IHO1: variants seen among roughly 807,000 people sequenced by gnomAD.
The protein encoded by IHO1 is interactor of HORMAD1 protein 1.
Under a neutral mutation model 31.0 loss-of-function variants are expected in IHO1, and 13 were observed. The observed-to-expected ratio is 0.42, with a 90% CI of 0.27 to 0.67. The LOEUF is 0.67. Ranked by LOEUF, IHO1 falls within the 30% of genes least tolerant of loss-of-function variation. The pLI is 0.24. For missense variants in IHO1, 599 were observed against 687.5 expected (o/e 0.87, Z 1.44); for synonymous variants, 221 against 248.4 (o/e 0.89, Z 1.04).
chr3:49,238,276 A>T (rs555492934), intron 3 of IHO1, among the ~76,000 whole-genome samples: 2 of 151,812 alleles, frequency 1.3e-5, no homozygotes, highest in Non-Finnish European at 2.9e-5. Flanking sequence ...CTATAACTAA[A>T]TGTAGTTTTG....
intron 2 of IHO1, among the ~76,000 whole-genome samples, chr3:49,230,673 G>A (rs972196507): frequency 1.3e-5 from 2 of 152,114 alleles, no homozygotes; most frequent in Non-Finnish European, 2.9e-5. Flanking sequence ...TCTCACACTG[G>A]TTTATTTATA....
chr3:49,212,791 G>A (rs1165062167), intron 2 of IHO1, among the ~76,000 whole-genome samples: 2 of 152,184 alleles, frequency 1.3e-5, no homozygotes, highest in African/African-American at 4.8e-5. Flanking sequence ...CATAAAGGCA[G>A]TGCGGACCCA....
chr3:49,254,113 C>T (rs755155642), intron 6 of IHO1, among the ~76,000 whole-genome samples: 3 of 152,128 alleles, frequency 2.0e-5, no homozygotes, highest in African/African-American at 4.8e-5. Flanking sequence ...GGATTACAGG[C>T]GTGAGTCTCC....
rs114814755 is a variant in IHO1 at position 49,212,833 on chromosome 3, G to C, written c.56+997G>C. On this transcript the variant is annotated intron_variant, in intron 2 of 7. Transcript: ENST00000452691. ...GAGCAGGAGCAAGATTTATTGCAAA[G>C]AGTGAAAGAACAAATCTTCCGCAGT... Among the ~76,000 whole-genome samples, 1,075 of 152,318 alleles carry C rather than the reference G, an allele frequency of 7.1e-3. 14 individuals are homozygous for C. Among genetic ancestry groups the C allele is most frequent in the South Asian group, 0.042 (203 of 4,830 alleles).
At chr3:49,200,664 T>C in intron 1 of IHO1, 2 of 670,456 alleles carry the variant, frequency 3.0e-6, no homozygotes, top group Non-Finnish European at 3.7e-6. Flanking sequence ...TTCCATTCCT[T>C]GCATGCACTC....
At chr3:49,245,197 T>C (rs1017252167) in intron 6 of IHO1, 4 of 216,952 alleles carry the variant, frequency 1.8e-5, no homozygotes, top group African/African-American at 6.8e-5. Context: ...AATTTTTTTT[T>C]TTTTTTTGAG....
intron 2 of IHO1, among the ~76,000 whole-genome samples, chr3:49,215,480 G>A (rs1490252462): frequency 6.6e-6 from 1 of 152,102 alleles, no homozygotes; most frequent in African/African-American, 2.4e-5. Flanking sequence ...GAGCAATGAT[G>A]GTGTTACCCA....
intron 6 of IHO1, among the ~76,000 whole-genome samples, chr3:49,251,436 T>A (rs1289032401): frequency 2.2e-4 from 30 of 133,832 alleles, no homozygotes; most frequent in Middle Eastern, 0.01. Flanking sequence ...CAGGCGTGCA[T>A]CACCATGCCC....
rs929541902 is a variant in IHO1 at position 49,258,089 on chromosome 3, A to G, written c.*807A>G. ...AGTATTTTTTGTTATCAGAAATAAGATAAAACATTTAAAAGCATATATTTT... is the reference window on the plus strand; with the variant it reads ...AGTATTTTTTGTTATCAGAAATAAGGTAAAACATTTAAAAGCATATATTTT... On this transcript the variant is annotated 3_prime_UTR_variant, in exon 8 of 8. Transcript: ENST00000452691. The G allele has an allele frequency of 6.6e-6, 1 of 152,170 alleles. No homozygotes were observed. Among genetic ancestry groups the G allele is most frequent in the Non-Finnish European group, 1.5e-5 (1 of 68,046 alleles). 9.4% of individuals were successfully genotyped at this position (152,170 alleles called of 1,614,324 possible).
At position 49,238,751 on chromosome 3, in the gene IHO1, A is replaced by C. The variant is rs188886034; in HGVS notation, c.231+2029A>C. Among the ~76,000 whole-genome samples the C allele has an allele frequency of 2.4e-4, 37 of 152,334 alleles. 1 individual carries two copies. The highest frequency in any genetic ancestry group is 8.9e-4 in the African/African-American group (37 of 41,580). ...TTGTGACCTTGTCATGTTGCACAGA[A>C]GAGAAACAGGAATTGTAAAACTCTG... On this transcript the variant is annotated intron_variant, in intron 3 of 7. Transcript: ENST00000452691.
chr3:49,194,256 G>T (rs1375773631), upstream of IHO1, among the ~76,000 whole-genome samples: 3 of 109,112 alleles, frequency 2.7e-5, no homozygotes, highest in Admixed American at 2.2e-4. Context: ...CAATGAGAGG[G>T]AAACTCTATC....
chr3:49,246,284 T>C (rs2046694343), intron 6 of IHO1, among the ~76,000 whole-genome samples: 1 of 151,956 alleles, frequency 6.6e-6, no homozygotes, highest in Admixed American at 6.6e-5. Context: ...ATGCTTCCTT[T>C]GTATAACATG....
chr3:49,240,927 A>G (rs1339116463), intron 3 of IHO1, among the ~76,000 whole-genome samples: 1 of 152,222 alleles, frequency 6.6e-6, no homozygotes, highest in East Asian at 1.9e-4. Context: ...CATGTCAGAA[A>G]TAGCATAAAT....
In IHO1 at chr3:49,228,952, G is replaced by T. The variant is rs892421838; in HGVS notation, c.57-7596G>T. 2.0e-5 allele frequency among the ~76,000 whole-genome samples: 3 copies of T among 152,166 alleles called. No homozygotes were observed. The South Asian group carries it at 6.2e-4, about 31-fold the overall frequency. The stretch of plus-strand genomic sequence containing the variant: ...GGTCCATTTTACAGAGAGATGACTG[G>T]TCCATTTTACAGAGTGCTGATTGGG... On this transcript the variant is annotated intron_variant, in intron 2 of 7. Transcript: ENST00000452691.
chr3:49,244,552 TTAAC>T, intron 5 of IHO1, 90 bp from the exon 6 acceptor site: 1 of 1,319,842 alleles, frequency 7.6e-7, no homozygotes, highest in Non-Finnish European at 1.1e-6. Flanking sequence ...TAGCAATATT[TTAAC>T]TATCCCTATT....
intron 1 of IHO1, among the ~76,000 whole-genome samples, chr3:49,207,635 A>C (rs991736565): frequency 5.3e-4 from 81 of 152,158 alleles, no homozygotes; most frequent in African/African-American, 1.9e-3. Context: ...AGCATACCTT[A>C]GTCTGCCATT....
At position 49,256,226 on chromosome 3, in the gene IHO1, G is replaced by T. The variant is rs2046819551; in HGVS notation, c.729G>T (p.Glu243Asp). The T allele has an allele frequency of 6.2e-7, 1 of 1,614,038 alleles. No homozygotes were observed. ...GTCAGGAATTCCAGCAGCTGTGTGA[G>T]CAGCTAGGCCAGCTGAATGTGCCCA... ...QQSQEFQQLC[E>D]QLGQLNVPSV... Residue 243 changes from glutamate (E) to aspartate (D), a missense_variant, in exon 8 of 8, where the codon GAG becomes GAT. By Grantham distance (45) the Glu-to-Asp change is conservative. Transcript: ENST00000452691. The surrounding 1 kb of genome is among the most constrained non-coding windows in gnomAD (Gnocchi z 4.6).
chr3:49,231,349 G>T (rs570867675), intron 2 of IHO1, among the ~76,000 whole-genome samples: 1 of 152,144 alleles, frequency 6.6e-6, no homozygotes, highest in Non-Finnish European at 1.5e-5. Flanking sequence ...TAACTAATTG[G>T]ATTCTCCCTA....
intron 2 of IHO1, among the ~76,000 whole-genome samples, chr3:49,222,348 G>A (rs751288226): frequency 2.6e-5 from 4 of 152,152 alleles, no homozygotes; most frequent in Admixed American, 6.6e-5. Flanking sequence ...TAGGAGCTAG[G>A]GGAAGGGGAG....
Sources: gnomAD v4.1 joint callset for allele counts (sites outside exome capture counted in the v4.1 genomes callset) on GRCh38, gnomAD v4.1.1 for gene constraint, Gnocchi (gnomAD v3.1) non-coding constraint, MANE v1.5 for transcripts, NCBI Gene and HGNC (gene_info 2026-07-23, HGNC 2026-07-21) for gene names.